GPATCH2L: variants seen among roughly 807,000 people sequenced by gnomAD.
GPATCH2L encodes the protein G patch domain-containing protein 2-like.
GPATCH2L carries 31 observed loss-of-function variants against 57.4 expected under a neutral mutation model. The ratio of observed to expected loss-of-function variants is 0.54; its 90% CI spans 0.41 to 0.73. GPATCH2L has a LOEUF of 0.73. Among genes scored for constraint, GPATCH2L ranks in the 30% least tolerant of loss-of-function variants. The pLI, the probability that GPATCH2L is intolerant of heterozygous loss-of-function variation, is 0.00. For synonymous variants in GPATCH2L, 199 were observed against 210.7 expected, an observed-to-expected ratio of 0.94 and a Z score of 0.48; for missense variants, 481 against 599.9, an observed-to-expected ratio of 0.80 and a Z score of 2.07.
chr14:76,188,857 A>T (rs924569951), intron 8 of GPATCH2L, among the ~76,000 whole-genome samples: 1 of 152,160 alleles, frequency 6.6e-6, no homozygotes. Context: ...TTAAGTCTTT[A>T]ATCTACTTGA....
intron 9 of GPATCH2L, among the ~76,000 whole-genome samples, chr14:76,200,467 GT>G (rs1296727072): frequency 1.3e-5 from 2 of 152,230 alleles, no homozygotes; most frequent in African/African-American, 4.8e-5. Flanking sequence ...ATGTGCCTGA[GT>G]TTGTTGTGAG....
intron 8 of GPATCH2L, among the ~76,000 whole-genome samples, chr14:76,187,650 C>T (rs1261114490): frequency 6.6e-6 from 1 of 151,990 alleles, no homozygotes; most frequent in Non-Finnish European, 1.5e-5. Flanking sequence ...TTGATATAGG[C>T]ATGTAATGCG....
intron 2 of GPATCH2L, among the ~76,000 whole-genome samples, chr14:76,233,094 C>T (rs908690915): frequency 1.3e-5 from 2 of 152,216 alleles, no homozygotes; most frequent in African/African-American, 2.4e-5. Context: ...GGATTCTTTA[C>T]TACACACCCT....
chr14:76,167,093 G>T (rs2038877782), intron 3 of GPATCH2L, among the ~76,000 whole-genome samples: 1 of 152,014 alleles, frequency 6.6e-6, no homozygotes, highest in African/African-American at 2.4e-5. Flanking sequence ...TTTTTTAGGT[G>T]TTAAGACATT....
At chr14:76,218,640 G>GA (rs1244795571), downstream of GPATCH2L, among the ~76,000 whole-genome samples, 10 of 151,342 alleles carry the variant, frequency 6.6e-5, no homozygotes, top group East Asian at 1.9e-3. Context: ...CAATAGAATT[G>GA]AAAAAAATTA....
intron 2 of GPATCH2L, among the ~76,000 whole-genome samples, chr14:76,162,862 G>A (rs2038660351): frequency 6.6e-6 from 1 of 152,150 alleles, no homozygotes; most frequent in African/African-American, 2.4e-5. Flanking sequence ...AGTTTTCTTA[G>A]GGTTCAGCAT....
At chr14:76,218,254 G>C (rs1478166176), downstream of GPATCH2L, among the ~76,000 whole-genome samples, 3 of 152,022 alleles carry the variant, frequency 2.0e-5, no homozygotes, top group Non-Finnish European at 4.4e-5. Flanking sequence ...ACAGAAATTA[G>C]AAGAGAAGAG....
At chr14:76,199,759 A>G (rs1458579269) in intron 9 of GPATCH2L, among the ~76,000 whole-genome samples, 1 of 152,204 alleles carries the variant, frequency 6.6e-6, no homozygotes, top group Admixed American at 6.5e-5. Context: ...GTAAAAAAAC[A>G]GTTCCTCAAA....
At chr14:76,186,757 TTC>T (rs989641896) in intron 8 of GPATCH2L, among the ~76,000 whole-genome samples, 2 of 152,198 alleles carry the variant, frequency 1.3e-5, no homozygotes, top group African/African-American at 4.8e-5. Context: ...TGAAAGCATT[TTC>T]TCTCTCTCTG....
chr14:76,171,294 A>AAAG (rs2039071355), intron 3 of GPATCH2L, among the ~76,000 whole-genome samples: 1 of 150,086 alleles, frequency 6.7e-6, no homozygotes, highest in African/African-American at 2.5e-5. Flanking sequence ...AAAAAAAAAG[A>AAAG]CTGGGCGCGG....
chr14:76,162,333 A>G (rs1039248443), intron 2 of GPATCH2L, among the ~76,000 whole-genome samples: 13 of 152,144 alleles, frequency 8.5e-5, no homozygotes, highest in African/African-American at 3.1e-4. Flanking sequence ...AGGACATGGT[A>G]GTTGGCTTTC....
rs958568509 is a variant in GPATCH2L at position 76,212,106 on chromosome 14, G to T, written c.*10255G>T. On this transcript the variant is annotated 3_prime_UTR_variant, in exon 10 of 10. Transcript: ENST00000261530. ...GGGATCATATGAAAATATGATTAAA[G>T]AGATTATCACTAGAAGAAAAATTCA... 4.6e-5 allele frequency: 7 copies of T among 152,052 alleles called. No individual in the cohort carries two copies. The highest frequency in any genetic ancestry group is 7.2e-5 in the African/African-American group (3 of 41,406). 9.4% of individuals were successfully genotyped at this position (152,052 alleles called of 1,614,324 possible).
rs147532188 is a variant in GPATCH2L, at chr14:76,196,214, C to G, written c.1288+242C>G. On this transcript the variant is annotated intron_variant, in intron 9 of 9. Coordinates refer to ENST00000261530, the MANE Select transcript of GPATCH2L (RefSeq NM_017926.4). ...AACCCTATATTCCACTATCAGCAAT[C>G]TCCAGTCATCTGAGCTTTTGTTTTA... 7.3e-5 allele frequency: 46 copies of G among 631,194 alleles called. No individual in the cohort carries two copies. The African/African-American group carries it at 7.8e-4, about 11-fold the overall frequency. The allele number at this position is 631,194 out of a possible 1,614,324, so 39.1% of individuals were successfully genotyped here. A position where few individuals can be genotyped will look rare whatever the true frequency, so the allele number is the denominator to read the frequency against.
At chr14:76,173,720 C>A (rs746159848) in intron 5 of GPATCH2L, 95 bp downstream of exon 5, 1 of 821,140 alleles carries the variant, frequency 1.2e-6, no homozygotes. Context: ...CTACAGAACT[C>A]CCTGAAGTTA....
downstream of GPATCH2L, among the ~76,000 whole-genome samples, chr14:76,214,965 G>T (rs558374250): frequency 2.2e-4 from 34 of 152,048 alleles, no homozygotes; most frequent in Middle Eastern, 3.4e-3. Flanking sequence ...TTTGGGGTAT[G>T]AATGACCTGT....
chr14:76,200,184 G>A (rs1004346486), intron 9 of GPATCH2L, among the ~76,000 whole-genome samples: 1 of 152,132 alleles, frequency 6.6e-6, no homozygotes, highest in Non-Finnish European at 1.5e-5. Flanking sequence ...GAAATGGGGG[G>A]AGTTATTGTT....
At chr14:76,173,492 G>A in intron 4 of GPATCH2L, 54 bp from the exon 5 acceptor site, 1 of 1,130,576 alleles carries the variant, frequency 8.8e-7, no homozygotes, top group Non-Finnish European at 1.3e-6. Context: ...AGAAACATAG[G>A]ATTGCATATG....
intron 8 of GPATCH2L, among the ~76,000 whole-genome samples, chr14:76,183,230 A>C (rs955255753): frequency 6.6e-6 from 1 of 152,214 alleles, no homozygotes; most frequent in African/African-American, 2.4e-5. Context: ...TTGTGGCTGA[A>C]CTTGGAAACC....
chr14:76,222,971 A>G (rs990062129), intron 1 of GPATCH2L, among the ~76,000 whole-genome samples: 2 of 148,978 alleles, frequency 1.3e-5, no homozygotes, highest in South Asian at 2.2e-4. Context: ...AAAAAAAAAA[A>G]GAAAGAAAAA....
Sources: allele counts gnomAD v4.1 joint callset (sites outside exome capture counted in the v4.1 genomes callset), GRCh38; gene constraint gnomAD v4.1.1; transcripts MANE v1.5; gene names NCBI Gene and HGNC (gene_info 2026-07-23, HGNC 2026-07-21).